AHI1: variants seen among roughly 807,000 people sequenced by gnomAD.
AHI1 encodes the protein jouberin.
AHI1 carries 123 observed loss-of-function variants against 149.3 expected under a neutral mutation model. The ratio of observed to expected loss-of-function variants is 0.82; its 90% CI spans 0.71 to 0.96. The LOEUF is 0.96. Ranked by LOEUF, AHI1 falls within the 40% of genes least tolerant of loss-of-function variation. The pLI, the probability that AHI1 is intolerant of heterozygous loss-of-function variation, is 0.00. For synonymous variants in AHI1, 475 were observed against 459.8 expected (o/e 1.03, Z -0.42); for missense variants, 1,439 against 1,422.7 (o/e 1.01, Z -0.18).
At chr6:135,330,763 G>A (rs1582625792) in intron 24 of AHI1, among the ~76,000 whole-genome samples, 1 of 152,194 alleles carries the variant, frequency 6.6e-6, no homozygotes, top group African/African-American at 2.4e-5. Flanking sequence ...AAACAGCGTG[G>A]CTCACGGGAA....
At chr6:135,470,020 T>C (rs1168137131) in intron 5 of AHI1, among the ~76,000 whole-genome samples, 1 of 152,154 alleles carries the variant, frequency 6.6e-6, no homozygotes, top group Non-Finnish European at 1.5e-5. Flanking sequence ...ATCATCAGAA[T>C]GAACAGACAA....
chr6:135,405,291 G>A (rs1384317089), intron 21 of AHI1, among the ~76,000 whole-genome samples: 1 of 152,024 alleles, frequency 6.6e-6, no homozygotes, highest in Non-Finnish European at 1.5e-5. Flanking sequence ...AGGTGTAAAA[G>A]ACACATGCTG....
intron 28 of AHI1, among the ~76,000 whole-genome samples, chr6:135,289,533 T>C (rs1466697646): frequency 6.6e-6 from 1 of 151,954 alleles, no homozygotes; most frequent in Non-Finnish European, 1.5e-5. Flanking sequence ...TACTCTTCCA[T>C]GGGTAAATCT....
chr6:135,457,595 G>C lies in AHI1; in HGVS notation c.1050C>G (p.His350Gln). 1 of 1,613,886 alleles carries C rather than the reference G, an allele frequency of 6.2e-7. No individual in the cohort carries two copies. Among genetic ancestry groups the C allele is most frequent in the Non-Finnish European group, 8.5e-7 (1 of 1,179,856 alleles). ...AATCTGACTTAAGTCTATCAGTTCG[G>C]TGAATGTAAACTCCCAAGACAAGGT... ...DDDLVLGVYI[H>Q]RTDRLKSDFM... Residue 350 changes from histidine (H) to glutamine (Q), a missense_variant, in exon 9 of 29, where the codon CAC becomes CAG. Coordinates refer to ENST00000265602, the MANE Select transcript of AHI1 (RefSeq NM_001134831.2).
At chr6:135,459,429 C>G (rs1789510171) in intron 8 of AHI1, among the ~76,000 whole-genome samples, 1 of 151,694 alleles carries the variant, frequency 6.6e-6, no homozygotes, top group Non-Finnish European at 1.5e-5. Context: ...TTATAAAACC[C>G]AATTTTAAAG....
intron 26 of AHI1, among the ~76,000 whole-genome samples, chr6:135,317,325 G>C (rs1170326251): frequency 6.6e-6 from 1 of 151,372 alleles, no homozygotes; most frequent in Non-Finnish European, 1.5e-5. Context: ...CTGTGGCCTG[G>C]TTCCTGGATT....
At chr6:135,357,645 T>C (rs1793201612) in intron 24 of AHI1, among the ~76,000 whole-genome samples, 1 of 152,222 alleles carries the variant, frequency 6.6e-6, no homozygotes, top group African/African-American at 2.4e-5. Flanking sequence ...TAGCAACTAA[T>C]ATATGTTTCA....
intron 26 of AHI1, among the ~76,000 whole-genome samples, chr6:135,308,338 C>A (rs566928992): frequency 6.6e-6 from 1 of 152,086 alleles, no homozygotes; most frequent in African/African-American, 2.4e-5. Context: ...CAGGCTGAAG[C>A]GATCCTCCCA....
chr6:135,372,566 G>A (rs1775236324), intron 23 of AHI1, among the ~76,000 whole-genome samples: 1 of 151,802 alleles, frequency 6.6e-6, no homozygotes, highest in African/African-American at 2.4e-5. Context: ...GTGTGCATGT[G>A]TAGTCCAGCT....
intron 27 of AHI1, chr6:135,297,539 T>C (rs1478661624): frequency 3.5e-5 from 16 of 456,008 alleles, no homozygotes; most frequent in Non-Finnish European, 5.3e-5. Context: ...AATTATATAA[T>C]TGGTTGCCTT....
At chr6:135,492,899 G>A (rs769169310) in intron 3 of AHI1, 79 of 983,462 alleles carry the variant, frequency 8.0e-5, no homozygotes, top group East Asian at 1.1e-4. Context: ...TAAAAAAATC[G>A]GTGTATGTCT....
chr6:135,421,991 C>T (rs1783228112), intron 20 of AHI1, among the ~76,000 whole-genome samples: 1 of 152,056 alleles, frequency 6.6e-6, no homozygotes. Context: ...TGCTTTTGAA[C>T]TATTCATAAG....
At chr6:135,407,455 G>T (rs1780951675) in intron 21 of AHI1, among the ~76,000 whole-genome samples, 1 of 152,030 alleles carries the variant, frequency 6.6e-6, no homozygotes, top group Non-Finnish European at 1.5e-5. Context: ...CATTCTGAAA[G>T]AAAATACATT....
chr6:135,378,614 TA>T (rs1562618854), intron 23 of AHI1, among the ~76,000 whole-genome samples: 1 of 152,232 alleles, frequency 6.6e-6, no homozygotes, highest in African/African-American at 2.4e-5. Flanking sequence ...CCTTAAAATA[TA>T]ATTTAATATC....
intron 26 of AHI1, chr6:135,301,021 G>A (rs911667785): frequency 4.1e-6 from 4 of 984,448 alleles, no homozygotes; most frequent in South Asian, 4.7e-5. Context: ...TACAAAATGT[G>A]TTCAGTATAT....
chr6:135,315,716 T>C (rs776676614), intron 26 of AHI1, among the ~76,000 whole-genome samples: 57 of 152,220 alleles, frequency 3.7e-4, no homozygotes, highest in Admixed American at 2.6e-3. Context: ...AATCTTTTTA[T>C]ATGTCCTAAA....
At chr6:135,340,644 T>C (rs1334487176) in intron 24 of AHI1, among the ~76,000 whole-genome samples, 1 of 65,196 alleles carries the variant, frequency 1.5e-5, no homozygotes, top group Non-Finnish European at 2.6e-5. Context: ...CCAGTACATA[T>C]ATATACATAC....
chr6:135,312,990 ATAAGG>A (rs1169404043), intron 26 of AHI1, among the ~76,000 whole-genome samples: 1 of 152,242 alleles, frequency 6.6e-6, no homozygotes, highest in African/African-American at 2.4e-5. Context: ...TGGGAGGTTT[ATAAGG>A]TAAGGTCTTG....
intron 10 of AHI1, 144 bp from the exon 11 acceptor site, chr6:135,453,580 T>C: frequency 1.5e-6 from 1 of 652,366 alleles, no homozygotes; most frequent in Non-Finnish European, 2.6e-6. Context: ...TCTCATTTCA[T>C]TCACCTTAAA....
Sources: allele counts gnomAD v4.1 joint callset (sites outside exome capture counted in the v4.1 genomes callset), GRCh38; gene constraint gnomAD v4.1.1; transcripts MANE v1.5; gene names NCBI Gene and HGNC (gene_info 2026-07-23, HGNC 2026-07-21).